ADAMTS3: variants seen among roughly 807,000 people sequenced by gnomAD.
ADAMTS3 encodes ADAM metallopeptidase with thrombospondin type 1 motif 3, also known as A disintegrin and metalloproteinase with thrombospondin motifs 3.
A neutral mutation model predicts 129.0 loss-of-function variants in ADAMTS3; 73 were observed. The ratio of observed to expected loss-of-function variants is 0.57; its 90% CI spans 0.47 to 0.69. The LOEUF (loss-of-function observed/expected upper bound fraction) is 0.69, where lower values mean the gene tolerates loss of function less well. Among genes scored for constraint, ADAMTS3 ranks in the 30% least tolerant of loss-of-function variants. The pLI, the probability that ADAMTS3 is intolerant of heterozygous loss-of-function variation, is 0.00. For missense variants in ADAMTS3, 1,457 were observed against 1,514.5 expected (o/e 0.96, Z 0.63); for synonymous variants, 477 against 510.8 (o/e 0.93, Z 0.89).
intron 3 of ADAMTS3, among the ~76,000 whole-genome samples, chr4:72,521,795 G>C (rs2109743656): frequency 1.3e-5 from 2 of 152,176 alleles, no homozygotes; most frequent in Non-Finnish European, 2.9e-5. Context: ...ATAATAAAGA[G>C]CAGTTACCAG....
intron 3 of ADAMTS3, among the ~76,000 whole-genome samples, chr4:72,471,637 C>T (rs2109994407): frequency 6.6e-6 from 1 of 152,154 alleles, no homozygotes; most frequent in East Asian, 1.9e-4. Context: ...TAACCATCTT[C>T]TATCAAGCCA....
Position 72,459,132 on chromosome 4 carries a change from T to A in ADAMTS3, c.505-44161A>T, listed in dbSNP as rs144790846. ...AGAAATGTTTGGGGCCATAATCAAG[T>A]TTATTTTGATTAAGTTCTGTGTTAA... is the stretch of plus-strand genomic sequence containing the variant. On this transcript the variant is annotated intron_variant, in intron 3 of 21. Coordinates refer to ENST00000286657, the MANE Select transcript of ADAMTS3 (RefSeq NM_014243.3). 5.3e-5 allele frequency among the ~76,000 whole-genome samples: 8 copies of A among 151,580 alleles called. No homozygotes were observed. In the East Asian group the frequency reaches 1.6e-3, roughly 30 times the overall value.
At chr4:72,549,370 A>G (rs1721552506) in intron 2 of ADAMTS3, among the ~76,000 whole-genome samples, 1 of 152,176 alleles carries the variant, frequency 6.6e-6, no homozygotes, top group Non-Finnish European at 1.5e-5. Context: ...TGTAATGTAT[A>G]CACTGTAGCT....
At chr4:72,482,302 T>C (rs1018505624) in intron 3 of ADAMTS3, among the ~76,000 whole-genome samples, 5 of 152,068 alleles carry the variant, frequency 3.3e-5, no homozygotes, top group African/African-American at 7.2e-5. Flanking sequence ...GATACATCCA[T>C]TCCTTGGAAT....
intron 4 of ADAMTS3, among the ~76,000 whole-genome samples, chr4:72,389,026 A>G (rs1378294836): frequency 2.6e-5 from 4 of 152,186 alleles, no homozygotes; most frequent in Non-Finnish European, 4.4e-5. Flanking sequence ...TCCTCGGCCT[A>G]GCACAAACCA....
chr4:72,284,307 C>T (rs375456192), intron 21 of ADAMTS3, among the ~76,000 whole-genome samples: 31 of 151,872 alleles, frequency 2.0e-4, no homozygotes, highest in African/African-American at 5.6e-4. Context: ...TAGCCAGGCG[C>T]GGTGGCAGGC....
intron 3 of ADAMTS3, among the ~76,000 whole-genome samples, chr4:72,474,716 C>T (rs79038375): frequency 0.01 from 1,537 of 152,232 alleles, 8 homozygotes; most frequent in Middle Eastern, 0.024. Flanking sequence ...ACCTCACAAA[C>T]GCTATTAATA....
At chr4:72,523,921 G>GA (rs1055087922) in intron 3 of ADAMTS3, among the ~76,000 whole-genome samples, 11 of 152,018 alleles carry the variant, frequency 7.2e-5, no homozygotes, top group African/African-American at 2.7e-4. Flanking sequence ...CCCTATTGGG[G>GA]AAAAAATAAC....
intron 4 of ADAMTS3, among the ~76,000 whole-genome samples, chr4:72,392,915 A>ATTTTTT (rs36046621): frequency 2.3e-4 from 32 of 139,842 alleles, no homozygotes; most frequent in Non-Finnish European, 2.5e-4. Flanking sequence ...TACCCATCGG[A>ATTTTTT]TTTTTTTTTT....
chr4:72,332,641 T>C (rs1367183521), intron 5 of ADAMTS3, among the ~76,000 whole-genome samples: 1 of 152,136 alleles, frequency 6.6e-6, no homozygotes, highest in Non-Finnish European at 1.5e-5. Context: ...CAGAAGACCA[T>C]TTCATAGATC....
chr4:72,290,740 A>G (rs1235623725), intron 20 of ADAMTS3, 115 bp downstream of exon 20: 8 of 1,112,722 alleles, frequency 7.2e-6, no homozygotes, highest in Non-Finnish European at 1.0e-5. Flanking sequence ...ATTACAAAAT[A>G]TGCAGTAGTT....
intron 4 of ADAMTS3, among the ~76,000 whole-genome samples, chr4:72,389,836 C>T (rs78182001): frequency 0.022 from 3,302 of 152,264 alleles, 133 homozygotes; most frequent in East Asian, 0.19. Context: ...ACACACACCA[C>T]TCTAACAATA....
intron 4 of ADAMTS3, among the ~76,000 whole-genome samples, chr4:72,378,413 G>C (rs946359852): frequency 6.6e-6 from 1 of 152,144 alleles, no homozygotes; most frequent in Non-Finnish European, 1.5e-5. Context: ...GTTTATAACA[G>C]AAACTATTTA....
intron 3 of ADAMTS3, among the ~76,000 whole-genome samples, chr4:72,518,615 C>A (rs539101017): frequency 2.7e-3 from 405 of 152,196 alleles, no homozygotes; most frequent in African/African-American, 9.1e-3. Flanking sequence ...CTCTTTTGAT[C>A]TTTGTTGGTT....
chr4:72,503,721 T>G (rs1720084669), intron 3 of ADAMTS3, among the ~76,000 whole-genome samples: 1 of 152,228 alleles, frequency 6.6e-6, no homozygotes, highest in Non-Finnish European at 1.5e-5. Context: ...TCAGTATTAT[T>G]GTGTGACTGT....
At chr4:72,403,463 G>A (rs111732722) in intron 4 of ADAMTS3, among the ~76,000 whole-genome samples, 1 of 151,368 alleles carries the variant, frequency 6.6e-6, no homozygotes, top group South Asian at 2.1e-4. Context: ...ATATTAGATG[G>A]AAAAAAAATA....
chr4:72,517,756 T>G (rs1486104105), intron 3 of ADAMTS3, among the ~76,000 whole-genome samples: 1 of 151,934 alleles, frequency 6.6e-6, no homozygotes, highest in Non-Finnish European at 1.5e-5. Context: ...GCTAGTGGTC[T>G]ATCAATTTTG....
chr4:72,422,293 GATA>G (rs145854463), intron 3 of ADAMTS3, among the ~76,000 whole-genome samples: 2,160 of 151,964 alleles, frequency 0.014, 42 homozygotes, highest in African/African-American at 0.049. Context: ...ACAATATCAA[GATA>G]ATGTTTTATA....
At chr4:72,362,326 T>C (rs1720749827) in intron 4 of ADAMTS3, among the ~76,000 whole-genome samples, 1 of 152,114 alleles carries the variant, frequency 6.6e-6, no homozygotes, top group African/African-American at 2.4e-5. Context: ...TAAAGCAAAA[T>C]CTGGGAATTC....
Sources: gnomAD v4.1 joint callset for allele counts (sites outside exome capture counted in the v4.1 genomes callset) on GRCh38, gnomAD v4.1.1 for gene constraint, MANE v1.5 for transcripts, NCBI Gene and HGNC (gene_info 2026-07-23, HGNC 2026-07-21) for gene names.